Variants in DNAH17 observed in about 807,000 individuals in gnomAD.
DNAH17 encodes dynein axonemal heavy chain 17, also known as axonemal beta dynein heavy chain 17.
A neutral mutation model predicts 485.6 loss-of-function variants in DNAH17; 376 were observed. That is an observed-to-expected ratio of 0.77 (90% CI 0.71 to 0.84). The LOEUF is 0.84. Ranked by LOEUF, DNAH17 falls within the 40% of genes least tolerant of loss-of-function variation. The pLI is 0.00. For synonymous variants in DNAH17, 3,031 were observed against 2,405.9 expected (o/e 1.26, Z -7.60); for missense variants, 6,370 against 5,839.3 (o/e 1.09, Z -2.96).
At chr17:78,510,751 G>GCCCCCCCCCCC (rs3031639) in intron 26 of DNAH17, 1 of 367,214 alleles carries the variant, frequency 2.7e-6, no homozygotes, top group African/African-American at 2.3e-5. Context: ...CGGAATTGCG[G>GCCCCCCCCCCC]CCCCCCCGCA....
rs1421026585 is a variant in DNAH17 at position 78,494,778 on chromosome 17, C to A, written c.6085G>T (p.Val2029Leu). 2 of 1,613,220 alleles carry A rather than the reference C, an allele frequency of 1.2e-6. No homozygotes were observed. Residue 2029 changes from valine to leucine, a missense_variant, in exon 40 of 81, where the codon GTG becomes TTG. Physicochemically the swap from Val to Leu is conservative, Grantham distance 32. Transcript: ENST00000389840. The part of the protein sequence containing the change: ...WGLRAIKSVL[V>L]VAGSLKRGDP... ...CCCCTCTTCAGGGAGCCGGCCACCA[C>A]CAGCACAGACTTGATGGCTCTCAGG...
chr17:78,503,570 C>G (rs1290199371), intron 31 of DNAH17, among the ~76,000 whole-genome samples: 2 of 152,060 alleles, frequency 1.3e-5, no homozygotes, highest in East Asian at 3.9e-4. Flanking sequence ...TCACTGCAGC[C>G]TCCACCTGTG....
intron 11 of DNAH17, among the ~76,000 whole-genome samples, chr17:78,563,622 A>AG (rs371909034): frequency 6.8e-4 from 103 of 152,146 alleles, no homozygotes; most frequent in African/African-American, 2.4e-3. Flanking sequence ...ATGTTTATAT[A>AG]GTTTTTAGTT....
chr17:78,502,229 G>C (rs2090322307), intron 33 of DNAH17: 1 of 351,976 alleles, frequency 2.8e-6, no homozygotes, highest in African/African-American at 2.1e-5. Context: ...GCCCTGCAGT[G>C]TCATGCTTGG....
chr17:78,498,154 C>CATAA lies in DNAH17; in HGVS notation c.5745+850_5745+853dup, dbSNP rs148513000. ...AAAACTCCGTCTCAAAAAAACAAAACATAAATAAATAAATAAATAAATAAA... is the reference window on the plus strand; with the variant it reads ...AAAACTCCGTCTCAAAAAAACAAAACATAAATAAATAAATAAATAAATAAATAAA... On this transcript the variant is annotated intron_variant, in intron 37 of 80. Transcript: ENST00000389840. Among the ~76,000 whole-genome samples, 1,204 of 146,674 alleles carry CATAA rather than the reference C, an allele frequency of 8.2e-3. 5 individuals carry two copies. The highest frequency in any genetic ancestry group is 0.015 in the African/African-American group (586 of 39,812).
intron 25 of DNAH17, among the ~76,000 whole-genome samples, chr17:78,523,313 G>A (rs1023190948): frequency 1.3e-5 from 2 of 151,598 alleles, no homozygotes; most frequent in Admixed American, 1.3e-4. Flanking sequence ...TAGTAGAGAC[G>A]GGGTTTCACC....
intron 16 of DNAH17, among the ~76,000 whole-genome samples, chr17:78,549,062 G>C (rs1406725733): frequency 6.6e-6 from 1 of 152,210 alleles, no homozygotes; most frequent in Non-Finnish European, 1.5e-5. Flanking sequence ...TTATAATGGG[G>C]GTTAGCAGAG....
intron 14 of DNAH17, 131 bp downstream of exon 14, chr17:78,557,977 G>A: frequency 8.6e-7 from 1 of 1,167,386 alleles, no homozygotes; most frequent in Non-Finnish European, 1.2e-6. Context: ...TGCAGTGAAT[G>A]GAAGAATGAA....
chr17:78,558,877 G>T (rs1330858751), intron 13 of DNAH17, among the ~76,000 whole-genome samples: 1 of 152,164 alleles, frequency 6.6e-6, no homozygotes, highest in African/African-American at 2.4e-5. Flanking sequence ...CCTCCATATT[G>T]CTGAATCCAC....
intron 17 of DNAH17, among the ~76,000 whole-genome samples, chr17:78,540,658 G>A (rs1202150868): frequency 1.9e-5 from 2 of 107,626 alleles, no homozygotes; most frequent in East Asian, 5.7e-4. Context: ...AACGGGGTGG[G>A]TAGATGTATG....
At chr17:78,489,153 G>C (rs1252348007) in intron 44 of DNAH17, among the ~76,000 whole-genome samples, 40 of 152,160 alleles carry the variant, frequency 2.6e-4, no homozygotes, top group Non-Finnish European at 1.5e-5. Context: ...ATTCCACTTG[G>C]TATCCCTCTC....
rs75729893 is a variant in DNAH17 at position 78,566,594 on chromosome 17, C to T, written c.1569+20G>A. On this transcript the variant is annotated intron_variant, in intron 11 of 80. Coordinates refer to ENST00000389840, the MANE Select transcript of DNAH17 (RefSeq NM_173628.4). ...CAGTGCCAGGCTCCAGATCTGCCTG[C>T]GTCTCCACTGCATGCTTACCTTTGC... The T allele has an allele frequency of 0.019, 29,872 of 1,538,434 alleles. 847 individuals carry two copies. Among genetic ancestry groups the T allele is most frequent in the East Asian group, 0.14 (5,988 of 43,458 alleles).
chr17:78,505,983 T>TA (rs893735807), intron 30 of DNAH17, among the ~76,000 whole-genome samples: 13 of 151,650 alleles, frequency 8.6e-5, no homozygotes, highest in Non-Finnish European at 1.6e-4. Flanking sequence ...CATCTCAAAA[T>TA]AAAAAAAATT....
chr17:78,484,739 A>ACCCCCCTTCCCCCCCCCCCCCCCC, intron 48 of DNAH17, 129 bp downstream of exon 48: 1 of 347,798 alleles, frequency 2.9e-6, no homozygotes, highest in South Asian at 4.2e-5. Context: ...ACGTTGCAGC[A>ACCCCCCTTCCCCCCCCCCCCCCCC]CCCCCCCCAC....
intron 27 of DNAH17, among the ~76,000 whole-genome samples, chr17:78,508,341 C>T (rs1302679605): frequency 3.9e-5 from 6 of 152,148 alleles, no homozygotes; most frequent in African/African-American, 1.4e-4. Context: ...CGGAAAGAAT[C>T]CTGTCTGCTC....
intron 16 of DNAH17, among the ~76,000 whole-genome samples, chr17:78,545,974 ATTTT>A (rs58000479): frequency 2.7e-5 from 4 of 150,122 alleles, no homozygotes; most frequent in Non-Finnish European, 3.0e-5. Flanking sequence ...ACCATTTGAA[ATTTT>A]TTTTTTTTTC....
chr17:78,511,373 G>A (rs57404915), intron 26 of DNAH17, among the ~76,000 whole-genome samples: 13,796 of 152,282 alleles, frequency 0.091, 693 homozygotes, highest in Non-Finnish European at 0.11. Flanking sequence ...CTCCCAAAGT[G>A]CTGGGATTAC....
rs1372321234 is a variant in DNAH17 at position 78,460,200 on chromosome 17, G to A, written c.9397C>T (p.Leu3133=). 2 of 1,609,508 alleles carry A rather than the reference G, an allele frequency of 1.2e-6. No individual in the cohort carries two copies. The highest frequency in any genetic ancestry group is 3.4e-5 in the Admixed American group (2 of 59,448). Residue 3133 remains leucine (L), a synonymous_variant, in exon 59 of 81, where the codon CTG becomes TTG. Transcript: ENST00000389840. ...TCCAGAGCCTCCTGGGCTGCCAGCA[G>A]GGCCGGTTCTGCTTTGGCCAGGTCT... ...ETDLAKAEPA[L]LAAQEALDTL...
At chr17:78,453,599 G>C in intron 64 of DNAH17, 134 bp from the exon 65 acceptor site, 1 of 1,162,202 alleles carries the variant, frequency 8.6e-7, no homozygotes, top group South Asian at 1.6e-5. Context: ...CCCACAACTT[G>C]TTCCCAACAG....
Sources: allele counts gnomAD v4.1 joint callset (sites outside exome capture counted in the v4.1 genomes callset), GRCh38; gene constraint gnomAD v4.1.1; transcripts MANE v1.5; gene names NCBI Gene and HGNC (gene_info 2026-07-23, HGNC 2026-07-21).